NR3C2: variants seen among roughly 807,000 people sequenced by gnomAD.
NR3C2 encodes nuclear receptor subfamily 3 group C member 2.
NR3C2 carries 15 observed loss-of-function variants against 86.4 expected under a neutral mutation model. That is an observed-to-expected ratio of 0.17 (90% CI 0.12 to 0.27). The LOEUF (loss-of-function observed/expected upper bound fraction) is 0.27, where lower values mean the gene tolerates loss of function less well. Ranked by LOEUF, NR3C2 falls within the 10% of genes least tolerant of loss-of-function variation. NR3C2 has a pLI of 1.00. For synonymous variants in NR3C2, 458 were observed against 450.5 expected, an observed-to-expected ratio of 1.02 and a Z score of -0.21; for missense variants, 960 against 1,195.6, an observed-to-expected ratio of 0.80 and a Z score of 2.91.
chr4:148,343,705 A>G (rs1056078397), intron 2 of NR3C2, among the ~76,000 whole-genome samples: 2 of 152,152 alleles, frequency 1.3e-5, no homozygotes, highest in African/African-American at 4.8e-5. Flanking sequence ...GGTATATGAG[A>G]AAGTTTAAAA....
chr4:148,391,546 C>T (rs1168874461), intron 2 of NR3C2, among the ~76,000 whole-genome samples: 1 of 152,032 alleles, frequency 6.6e-6, no homozygotes, highest in Admixed American at 6.6e-5. Context: ...AAATCACATA[C>T]TAATAAGTAA....
At chr4:148,158,055 ATT>A (rs751385296) in intron 4 of NR3C2, among the ~76,000 whole-genome samples, 3 of 152,194 alleles carry the variant, frequency 2.0e-5, no homozygotes, top group Non-Finnish European at 2.9e-5. Flanking sequence ...TTAATAAAAG[ATT>A]TGAGGCACAG....
intron 2 of NR3C2, among the ~76,000 whole-genome samples, chr4:148,384,238 TTTC>T (rs1026435421): frequency 6.6e-6 from 1 of 152,034 alleles, no homozygotes; most frequent in Non-Finnish European, 1.5e-5. Context: ...GAACTAAAAT[TTTC>T]TTCAACTTAA....
intron 6 of NR3C2, among the ~76,000 whole-genome samples, chr4:148,151,904 A>G (rs902033685): frequency 5.9e-5 from 9 of 152,246 alleles, no homozygotes; most frequent in Admixed American, 5.9e-4. Context: ...GTGGCCAAAG[A>G]AAAACTGATT....
chr4:148,162,580 T>A (rs557079984), intron 4 of NR3C2, among the ~76,000 whole-genome samples: 6 of 152,148 alleles, frequency 3.9e-5, no homozygotes, highest in Admixed American at 6.5e-5. Context: ...CTGGTAATCA[T>A]CTCTGGGCAA....
chr4:148,259,207 G>A (rs1739973483), intron 3 of NR3C2, among the ~76,000 whole-genome samples: 1 of 152,150 alleles, frequency 6.6e-6, no homozygotes, highest in South Asian at 2.1e-4. Context: ...GAATGTAATT[G>A]TCCATTACAC....
chr4:148,311,854 C>T (rs907923812), intron 2 of NR3C2, among the ~76,000 whole-genome samples: 2 of 152,216 alleles, frequency 1.3e-5, no homozygotes, highest in Non-Finnish European at 1.5e-5. Flanking sequence ...AGGACATTTG[C>T]ATCTGCTATT....
chr4:148,372,808 C>T (rs1746485187), intron 2 of NR3C2, among the ~76,000 whole-genome samples: 1 of 152,154 alleles, frequency 6.6e-6, no homozygotes, highest in Non-Finnish European at 1.5e-5. Flanking sequence ...AATCCTTCCA[C>T]TGATTTCTGA....
chr4:148,387,072 C>G (rs1308855802), intron 2 of NR3C2, among the ~76,000 whole-genome samples: 1 of 152,184 alleles, frequency 6.6e-6, no homozygotes, highest in Non-Finnish European at 1.5e-5. Context: ...GCAAAGAAAC[C>G]TACTTCTGGT....
chr4:148,296,949 G>GAC lies in NR3C2; in HGVS notation c.1758-36834_1758-36833dup, dbSNP rs1238084287. Reference sequence around the variant, plus strand: ...GATAACACCTAAATATATTTATTTTGACACACACTATCCAGTAAAGTAGTC... The same window carrying GAC: ...GATAACACCTAAATATATTTATTTTGACACACACACTATCCAGTAAAGTAGTC... On this transcript the variant is annotated intron_variant, in intron 2 of 8. Transcript: ENST00000358102. Among the ~76,000 whole-genome samples the GAC allele has an allele frequency of 5.3e-5, 8 of 152,166 alleles. No individual in the cohort carries two copies. The East Asian group carries it at 1.5e-3, about 29-fold the overall frequency.
At chr4:148,110,012 A>AAAAATTATT in intron 8 of NR3C2, among the ~76,000 whole-genome samples, 1 of 142,554 alleles carries the variant, frequency 7.0e-6, no homozygotes, top group Non-Finnish European at 1.6e-5. Flanking sequence ...GTAAGAGCTA[A>AAAAATTATT]AAAATTATTA....
At chr4:148,405,219 A>T (rs1421972041) in intron 2 of NR3C2, among the ~76,000 whole-genome samples, 1 of 152,236 alleles carries the variant, frequency 6.6e-6, no homozygotes, top group African/African-American at 2.4e-5. Context: ...TAGTCTCACC[A>T]TAGGGCTACA....
intron 2 of NR3C2, among the ~76,000 whole-genome samples, chr4:148,404,159 G>T (rs979352875): frequency 2.0e-5 from 3 of 151,978 alleles, no homozygotes; most frequent in African/African-American, 7.2e-5. Context: ...TGTCCAAGTT[G>T]GCTTCATTTC....
At chr4:148,399,690 ACAC>A (rs1202349636) in intron 2 of NR3C2, among the ~76,000 whole-genome samples, 14 of 145,630 alleles carry the variant, frequency 9.6e-5, no homozygotes, top group African/African-American at 3.9e-4. Flanking sequence ...ACAGACACAC[ACAC>A]ACACACACAC....
chr4:148,379,051 A>G (rs1746823751), intron 2 of NR3C2, among the ~76,000 whole-genome samples: 1 of 152,222 alleles, frequency 6.6e-6, no homozygotes, highest in Non-Finnish European at 1.5e-5. Context: ...AAGAGCATAC[A>G]ATATGATACA....
intron 8 of NR3C2, among the ~76,000 whole-genome samples, chr4:148,082,136 G>GAGAC (rs1421866110): frequency 1.3e-5 from 2 of 152,224 alleles, no homozygotes; most frequent in Non-Finnish European, 2.9e-5. Context: ...GGCTGATTTT[G>GAGAC]AGACAGTGAA....
intron 2 of NR3C2, among the ~76,000 whole-genome samples, chr4:148,286,089 T>A: frequency 6.6e-6 from 1 of 152,216 alleles, no homozygotes; most frequent in East Asian, 1.9e-4. Flanking sequence ...TAGAAATAGT[T>A]GAAAAATGTT....
chr4:148,142,835 C>T (rs527546193), intron 6 of NR3C2, among the ~76,000 whole-genome samples: 32 of 152,292 alleles, frequency 2.1e-4, no homozygotes, highest in African/African-American at 7.2e-4. Context: ...TTAGCACCAC[C>T]GCCTTGCTCT....
intron 4 of NR3C2, among the ~76,000 whole-genome samples, chr4:148,182,591 C>A (rs764821628): frequency 2.7e-4 from 41 of 152,288 alleles, no homozygotes; most frequent in Admixed American, 8.5e-4. Context: ...AGGCAGAAAA[C>A]AGTAACAAAT....
Sources: gnomAD v4.1 joint callset for allele counts (sites outside exome capture counted in the v4.1 genomes callset) on GRCh38, gnomAD v4.1.1 for gene constraint, MANE v1.5 for transcripts, NCBI Gene and HGNC (gene_info 2026-07-23, HGNC 2026-07-21) for gene names.